The following PEX5L variants were observed in gnomAD, a reference collection of about 807,000 sequenced individuals.
PEX5L encodes PEX5-related protein.
PEX5L carries 30 observed loss-of-function variants against 84.0 expected under a neutral mutation model. The observed-to-expected ratio is 0.36, with a 90% CI of 0.27 to 0.48. PEX5L has a LOEUF of 0.48. Ranked by LOEUF, PEX5L falls within the 20% of genes least tolerant of loss-of-function variation. PEX5L has a pLI of 0.99. For synonymous variants in PEX5L, 270 were observed against 283.1 expected, an observed-to-expected ratio of 0.95 and a Z score of 0.46; for missense variants, 533 against 754.6, an observed-to-expected ratio of 0.71 and a Z score of 3.44.
chr3:179,899,645 G>A (rs1434819989), intron 2 of PEX5L, among the ~76,000 whole-genome samples: 1 of 152,134 alleles, frequency 6.6e-6, no homozygotes, highest in African/African-American at 2.4e-5. Flanking sequence ...AATGTAGCCA[G>A]AGGCAGCTTT....
chr3:179,970,958 G>C (rs1261971117), intron 2 of PEX5L, among the ~76,000 whole-genome samples: 1 of 152,112 alleles, frequency 6.6e-6, no homozygotes, highest in Non-Finnish European at 1.5e-5. Flanking sequence ...GCATGGGCTG[G>C]AAACCTTCCA....
At chr3:179,965,420 T>C (rs1420525022) in intron 2 of PEX5L, among the ~76,000 whole-genome samples, 1 of 152,176 alleles carries the variant, frequency 6.6e-6, no homozygotes, top group East Asian at 1.9e-4. Flanking sequence ...TATTGCATTG[T>C]ACAGATGAAA....
intron 8 of PEX5L, among the ~76,000 whole-genome samples, chr3:179,847,130 G>A (rs1425848971): frequency 2.0e-5 from 3 of 149,142 alleles, no homozygotes; most frequent in Admixed American, 1.3e-4. Context: ...CCAACCAATA[G>A]GAGATATGTC....
intron 1 of PEX5L, among the ~76,000 whole-genome samples, chr3:179,991,982 T>C (rs1265346799): frequency 6.6e-6 from 1 of 152,238 alleles, no homozygotes; most frequent in African/African-American, 2.4e-5. Context: ...AAAAGTAGCA[T>C]ATTAGACATT....
intron 5 of PEX5L, among the ~76,000 whole-genome samples, chr3:179,877,712 C>A (rs2108753933): frequency 6.6e-6 from 1 of 152,312 alleles, no homozygotes. Context: ...CCTGCCTCAG[C>A]CTTCCAAAGT....
intron 2 of PEX5L, among the ~76,000 whole-genome samples, chr3:179,909,848 C>A (rs116166210): frequency 1.8e-3 from 281 of 152,280 alleles, no homozygotes; most frequent in African/African-American, 6.4e-3. Context: ...CCACTGACAG[C>A]CAAGGAGGGA....
intron 3 of PEX5L, among the ~76,000 whole-genome samples, chr3:179,889,855 A>G (rs1757072555): frequency 6.6e-6 from 1 of 152,204 alleles, no homozygotes; most frequent in Non-Finnish European, 1.5e-5. Flanking sequence ...GGTCTATTTG[A>G]GTTTAGGAAT....
At chr3:179,920,732 C>A (rs1195981947) in intron 2 of PEX5L, among the ~76,000 whole-genome samples, 1 of 152,148 alleles carries the variant, frequency 6.6e-6, no homozygotes, top group Non-Finnish European at 1.5e-5. Context: ...TCCATAAGTA[C>A]AGAAGCCATA....
At chr3:179,871,097 A>G (rs895138614) in intron 7 of PEX5L, among the ~76,000 whole-genome samples, 1 of 127,804 alleles carries the variant, frequency 7.8e-6, no homozygotes, top group Non-Finnish European at 1.6e-5. Context: ...CATTTGAGTT[A>G]TACTTTTTTT....
At chr3:180,030,052 A>G (rs938377349) in intron 1 of PEX5L, among the ~76,000 whole-genome samples, 1 of 152,068 alleles carries the variant, frequency 6.6e-6, no homozygotes. Context: ...ATCACTTTTC[A>G]TGACAGTACT....
At chr3:179,806,443 C>G (rs542884178) in intron 14 of PEX5L, among the ~76,000 whole-genome samples, 1 of 152,310 alleles carries the variant, frequency 6.6e-6, no homozygotes, top group South Asian at 2.1e-4. Flanking sequence ...TGAGAAAATT[C>G]TCTTGACACA....
At chr3:179,851,987 T>C (rs1742075683) in intron 8 of PEX5L, among the ~76,000 whole-genome samples, 1 of 152,070 alleles carries the variant, frequency 6.6e-6, no homozygotes, top group Admixed American at 6.6e-5. Context: ...GGAATGGAGA[T>C]GAGGAAGAGA....
intron 2 of PEX5L, among the ~76,000 whole-genome samples, chr3:179,942,776 G>C (rs766154291): frequency 6.6e-6 from 1 of 152,180 alleles, no homozygotes; most frequent in Non-Finnish European, 1.5e-5. Context: ...TAGCATGTGT[G>C]GTGACCTGAG....
intron 1 of PEX5L, among the ~76,000 whole-genome samples, chr3:179,988,241 A>C (rs1351700338): frequency 6.6e-6 from 1 of 151,990 alleles, no homozygotes; most frequent in Non-Finnish European, 1.5e-5. Context: ...CTCTACTAAA[A>C]ATACAAAAAA....
intron 1 of PEX5L, among the ~76,000 whole-genome samples, chr3:179,996,908 G>T (rs964945692): frequency 1.6e-4 from 25 of 152,146 alleles, no homozygotes; most frequent in African/African-American, 5.3e-4. Context: ...GTTCCTAGAA[G>T]TGAAATTGAT....
chr3:179,870,530 G>A (rs1267738836), intron 7 of PEX5L, among the ~76,000 whole-genome samples: 2 of 152,184 alleles, frequency 1.3e-5, no homozygotes, highest in African/African-American at 2.4e-5. Context: ...GCAACTTGGT[G>A]TCTTGGCTAA....
intron 7 of PEX5L, among the ~76,000 whole-genome samples, chr3:179,862,906 T>A (rs1223946603): frequency 1.3e-5 from 2 of 151,998 alleles, no homozygotes; most frequent in Non-Finnish European, 2.9e-5. Context: ...AAGAACAACA[T>A]TGGAGGGATA....
rs940453715 is a variant in PEX5L at position 179,799,247 on chromosome 3, CT to C, written c.*2580del. The C allele has an allele frequency of 6.6e-6, 1 of 152,100 alleles. No individual in the cohort carries two copies. Among genetic ancestry groups the C allele is most frequent in the African/African-American group, 2.4e-5 (1 of 41,414 alleles). The allele number at this position is 152,100 out of a possible 1,614,324, so 9.4% of individuals were successfully genotyped here. Reference sequence around the variant, plus strand: ...ACTCATGTTTTAATAATGGTTTTAACTTAATTTTATAAAAAATATTATTGAA... The same window carrying C: ...ACTCATGTTTTAATAATGGTTTTAACTAATTTTATAAAAAATATTATTGAA... On this transcript the variant is annotated 3_prime_UTR_variant, in exon 15 of 15. Transcript: ENST00000467460.
At chr3:179,816,557 G>C (rs963623653) in intron 9 of PEX5L, among the ~76,000 whole-genome samples, 1 of 151,996 alleles carries the variant, frequency 6.6e-6, no homozygotes, top group African/African-American at 2.4e-5. Context: ...TGGACACAGG[G>C]AGGGGAACAT....
Sources: allele counts gnomAD v4.1 joint callset (sites outside exome capture counted in the v4.1 genomes callset), GRCh38; gene constraint gnomAD v4.1.1; transcripts MANE v1.5; gene names NCBI Gene and HGNC (gene_info 2026-07-23, HGNC 2026-07-21).